Variants in MOK observed in about 807,000 individuals in gnomAD.
MOK encodes the protein MAPK/MAK/MRK overlapping kinase.
A neutral mutation model predicts 54.2 loss-of-function variants in MOK; 59 were observed. The observed-to-expected ratio is 1.09, with a 90% CI of 0.88 to 1.35. The LOEUF is 1.35. Among genes scored for constraint, MOK ranks in the 40% most tolerant of loss-of-function variants. The probability of loss-of-function intolerance (pLI) is 0.00; values close to 1 mark genes in which losing one functional copy is unlikely to be tolerated. For synonymous variants in MOK, 210 were observed against 202.7 expected (o/e 1.04, Z -0.31); for missense variants, 517 against 526.2 (o/e 0.98, Z 0.17).
intron 7 of MOK, among the ~76,000 whole-genome samples, chr14:102,248,550 G>T (rs556024921): frequency 6.6e-5 from 10 of 151,924 alleles, no homozygotes; most frequent in African/African-American, 1.9e-4. Flanking sequence ...AGGCTGAGGC[G>T]GGCGGATCAC....
intron 2 of MOK, chr14:102,278,656 G>A (rs1014054468): frequency 2.2e-6 from 1 of 454,956 alleles, no homozygotes; most frequent in South Asian, 1.6e-5. Context: ...CAACGGGCCA[G>A]GTGGGGAACT....
intron 4 of MOK, among the ~76,000 whole-genome samples, chr14:102,256,330 T>G (rs1316437336): frequency 6.6e-6 from 1 of 151,712 alleles, no homozygotes. Context: ...TTTGGGAGGC[T>G]GAGGCAGGCG....
intron 6 of MOK, 156 bp downstream of exon 6, chr14:102,251,600 T>C (rs1390449296): frequency 2.8e-6 from 2 of 706,878 alleles, no homozygotes; most frequent in Non-Finnish European, 5.1e-6. Context: ...AAATAAACCA[T>C]TTTTTACAAC....
rs187457560 is a variant in MOK, at chr14:102,261,298, A to G, written c.283+2248T>C. Among the ~76,000 whole-genome samples, 1,045 of 135,126 alleles carry G rather than the reference A, an allele frequency of 7.7e-3. 22 individuals carry two copies. Among genetic ancestry groups the G allele is most frequent in the African/African-American group, 0.028 (992 of 35,198 alleles). The allele number at this position is 135,126 out of a possible 152,430, so 88.6% of individuals were successfully genotyped here. ...GCCAAGTGTGGTAGCACATGCCTGT[A>G]GTCCCAGCTACTTGGGAGGCTGAGG... On this transcript the variant is annotated intron_variant, in intron 4 of 11. Transcript: ENST00000361847.
At position 102,231,654 on chromosome 14, in the gene MOK, G is replaced by A. The variant is rs926773173; in HGVS notation, c.981+53C>T. 6.5e-7 allele frequency: 1 copy of A among 1,526,762 alleles called. No homozygotes were observed. Among genetic ancestry groups the A allele is most frequent in the African/African-American group, 1.4e-5 (1 of 73,296 alleles). 94.6% of individuals were successfully genotyped at this position (1,526,762 alleles called of 1,614,324 possible). A position where few individuals can be genotyped will look rare whatever the true frequency, so the allele number is the denominator to read the frequency against. ...TGAGAGAGACACAGGCCACCCGAGG[G>A]CATCCAGTCCCGGCTGAGCTAGGCA... is the stretch of plus-strand genomic sequence containing the variant. On this transcript the variant is annotated intron_variant, in intron 10 of 11. Coordinates refer to ENST00000361847, the MANE Select transcript of MOK (RefSeq NM_014226.3). The surrounding 1 kb of genome is among the most constrained non-coding windows in gnomAD (Gnocchi z 4.4).
intron 6 of MOK, 182 bp downstream of exon 6, chr14:102,251,574 G>A (rs1463228670): frequency 1.5e-6 from 1 of 671,798 alleles, no homozygotes. Flanking sequence ...AGTCAGTTAT[G>A]TTGATGGCAT....
intron 1 of MOK, among the ~76,000 whole-genome samples, chr14:102,290,318 A>G (rs920295825): frequency 5.3e-5 from 8 of 151,940 alleles, no homozygotes; most frequent in African/African-American, 1.9e-4. Context: ...GCATGCCTCT[A>G]ATCCCAGCTA....
chr14:102,216,556 G>A, the MOK span, among the ~76,000 whole-genome samples: 52 of 152,310 alleles, frequency 3.4e-4, no homozygotes, highest in East Asian at 9.4e-3. Context: ...TAAGTTGACA[G>A]CAAGTTTTGT....
rs999007932 is a variant in MOK, at chr14:102,249,619, G to T, written c.590+1193C>A. Among the ~76,000 whole-genome samples the T allele has an allele frequency of 2.0e-5, 3 of 152,218 alleles. No homozygotes were observed. The highest frequency in any genetic ancestry group is 4.4e-5 in the Non-Finnish European group (3 of 68,036). ...AGCTACTTGGGGGGCTGAGGCAGGA[G>T]AATCGCTAGAACCCGGGAGGCGGAG... is the stretch of plus-strand genomic sequence containing the variant. On this transcript the variant is annotated intron_variant, in intron 7 of 11. Transcript: ENST00000361847. The surrounding 1 kb of genome is among the most constrained non-coding windows in gnomAD (Gnocchi z 5.3).
intron 1 of MOK, among the ~76,000 whole-genome samples, chr14:102,299,981 C>T (rs1442790484): frequency 4.6e-5 from 7 of 151,994 alleles, no homozygotes; most frequent in South Asian, 2.1e-4. Flanking sequence ...AGTTCAAGAC[C>T]GGCCTGGGCA....
intron 7 of MOK, among the ~76,000 whole-genome samples, chr14:102,247,809 C>A (rs1416721527): frequency 6.6e-6 from 1 of 152,208 alleles, no homozygotes; most frequent in Non-Finnish European, 1.5e-5. Context: ...CACTAAAGGA[C>A]CGAGCACAAA....
intron 7 of MOK, among the ~76,000 whole-genome samples, chr14:102,248,794 A>C (rs1171488998): frequency 6.6e-6 from 1 of 151,558 alleles, no homozygotes; most frequent in Non-Finnish European, 1.5e-5. Flanking sequence ...AAAAAAAAAA[A>C]AAACCAACCC....
chr14:102,282,323 T>C lies in MOK; in HGVS notation c.122+1155A>G, dbSNP rs114498168. On this transcript the variant is annotated intron_variant, in intron 2 of 11. Transcript: ENST00000361847. The stretch of plus-strand genomic sequence containing the variant: ...TGAGCGTGATGGCTCAGGTTGGGCA[T>C]GGTGGCTCATGCCTGTCACTTATGT... Among the ~76,000 whole-genome samples the C allele has an allele frequency of 4.6e-3, 703 of 152,220 alleles. 6 individuals are homozygous for C. Among genetic ancestry groups the C allele is most frequent in the African/African-American group, 0.016 (652 of 41,540 alleles).
intron 7 of MOK, among the ~76,000 whole-genome samples, chr14:102,244,482 T>C (rs2065941934): frequency 6.6e-6 from 1 of 152,212 alleles, no homozygotes; most frequent in Admixed American, 6.5e-5. Context: ...ATCATGGAAA[T>C]CTATCCTCAA....
At chr14:102,277,083 C>T (rs921571703) in intron 2 of MOK, among the ~76,000 whole-genome samples, 10 of 145,240 alleles carry the variant, frequency 6.9e-5, no homozygotes, top group African/African-American at 2.6e-4. Flanking sequence ...GACATACAGA[C>T]CAGGCTATAT....
intron 1 of MOK, 62 bp downstream of exon 1, chr14:102,304,900 C>A: frequency 6.5e-7 from 1 of 1,532,626 alleles, no homozygotes; most frequent in South Asian, 1.2e-5. Context: ...CAAGCTCCCC[C>A]AGTCCCTCCC....
At chr14:102,292,542 A>G (rs1380800825) in intron 1 of MOK, among the ~76,000 whole-genome samples, 1 of 152,108 alleles carries the variant, frequency 6.6e-6, no homozygotes, top group African/African-American at 2.4e-5. Context: ...GTAATACCAA[A>G]TACATGGTGC....
Position 102,235,980 on chromosome 14 carries a change from T to C in MOK, c.591-2191A>G, listed in dbSNP as rs539249539. Among the ~76,000 whole-genome samples, 55 of 152,340 alleles carry C rather than the reference T, an allele frequency of 3.6e-4. No individual in the cohort carries two copies. The highest frequency in any genetic ancestry group is 1.3e-3 in the African/African-American group (53 of 41,590). Reference sequence around the variant, plus strand: ...TCACCCAAGGGCACAAAAGACCCGATAGCAGCAACCCTCCGGGCCTTGTTT... The same window carrying C: ...TCACCCAAGGGCACAAAAGACCCGACAGCAGCAACCCTCCGGGCCTTGTTT... On this transcript the variant is annotated intron_variant, in intron 7 of 11. Transcript: ENST00000361847. The surrounding 1 kb of genome is among the most constrained non-coding windows in gnomAD (Gnocchi z 4.4).
rs191513466 is a variant in MOK, at chr14:102,273,096, G to A, written c.123-7184C>T. 3.3e-5 allele frequency among the ~76,000 whole-genome samples: 5 copies of A among 152,000 alleles called. No homozygotes were observed. The East Asian group carries it at 9.7e-4, about 29-fold the overall frequency. Reference sequence around the variant, plus strand: ...GAGGCAGGAGAATCACTTGAACCCGGGAGGTGGAGGTTGCAGTGAGCTGAG... The same window carrying A: ...GAGGCAGGAGAATCACTTGAACCCGAGAGGTGGAGGTTGCAGTGAGCTGAG... On this transcript the variant is annotated intron_variant, in intron 2 of 11. Transcript: ENST00000361847.
Sources: allele counts gnomAD v4.1 joint callset (sites outside exome capture counted in the v4.1 genomes callset), GRCh38; gene constraint gnomAD v4.1.1; non-coding constraint Gnocchi (gnomAD v3.1); transcripts MANE v1.5; gene names NCBI Gene and HGNC (gene_info 2026-07-23, HGNC 2026-07-21).